NALCN: variants seen among roughly 807,000 people sequenced by gnomAD.
The protein encoded by NALCN is sodium leak channel NALCN.
NALCN carries 111 observed loss-of-function variants against 225.3 expected under a neutral mutation model. That is an observed-to-expected ratio of 0.49 (90% CI 0.42 to 0.58). The LOEUF is 0.58. Ranked by LOEUF, NALCN falls within the 20% of genes least tolerant of loss-of-function variation. The pLI is 0.00. For synonymous variants in NALCN, 764 were observed against 769.0 expected, an observed-to-expected ratio of 0.99 and a Z score of 0.11; for missense variants, 1,378 against 2,202.4, an observed-to-expected ratio of 0.63 and a Z score of 7.49.
chr13:101,286,650 C>T lies in NALCN; in HGVS notation c.1048-2631G>A, dbSNP rs982797378. The stretch of plus-strand genomic sequence containing the variant: ...TTTTGGGCTTTTTTGTCCCTTGCAA[C>T]TGAATGTAACTTAACTAGTATACGT... On this transcript the variant is annotated intron_variant, in intron 9 of 43. Coordinates refer to ENST00000251127, the MANE Select transcript of NALCN (RefSeq NM_052867.4). Among the ~76,000 whole-genome samples, 6 of 152,288 alleles carry T rather than the reference C, an allele frequency of 3.9e-5. No homozygotes were observed. The South Asian group carries it at 6.2e-4, about 16-fold the overall frequency.
At chr13:101,066,307 T>TAAAAA (rs2032385527) in intron 39 of NALCN, among the ~76,000 whole-genome samples, 1 of 87,256 alleles carries the variant, frequency 1.1e-5, no homozygotes, top group African/African-American at 8.4e-5. Context: ...GGACTCCATC[T>TAAAAA]CAAAAAAAAA....
At chr13:101,238,533 C>G (rs1304248226) in intron 11 of NALCN, among the ~76,000 whole-genome samples, 1 of 151,890 alleles carries the variant, frequency 6.6e-6, no homozygotes, top group Non-Finnish European at 1.5e-5. Context: ...TAATCTCTCA[C>G]ATGCATTCTA....
At chr13:101,110,870 C>A (rs1273787949) in intron 19 of NALCN, among the ~76,000 whole-genome samples, 182 bp from the exon 20 acceptor site, 1 of 152,204 alleles carries the variant, frequency 6.6e-6, no homozygotes, top group Non-Finnish European at 1.5e-5. Context: ...TAACAAAATT[C>A]AGAATTTTTC....
At chr13:101,210,304 G>A (rs2040476074) in intron 13 of NALCN, among the ~76,000 whole-genome samples, 1 of 152,038 alleles carries the variant, frequency 6.6e-6, no homozygotes, top group South Asian at 2.1e-4. Flanking sequence ...TAGAAAAAAT[G>A]TTAGAGACAG....
In NALCN at chr13:101,257,410, T is replaced by A. The variant is rs564197342; in HGVS notation, c.1266+1033A>T. ...ATATCCACGTAGATGTCTATGCTCG[T>A]TAGGTACATGCAATCAATTCTTTTT... is the stretch of plus-strand genomic sequence containing the variant. On this transcript the variant is annotated intron_variant, in intron 11 of 43. Transcript: ENST00000251127. 4.9e-4 allele frequency among the ~76,000 whole-genome samples: 74 copies of A among 152,274 alleles called. 2 individuals carry two copies. The highest frequency in any genetic ancestry group is 1.7e-3 in the African/African-American group (71 of 41,562).
At chr13:101,157,527 A>G (rs1329093970) in intron 15 of NALCN, among the ~76,000 whole-genome samples, 1 of 152,236 alleles carries the variant, frequency 6.6e-6, no homozygotes, top group East Asian at 1.9e-4. Flanking sequence ...GGGAAGGCCA[A>G]CAGTGAAATC....
chr13:101,415,855 G>A (rs2047929827), intron 1 of NALCN, among the ~76,000 whole-genome samples: 1 of 149,944 alleles, frequency 6.7e-6, no homozygotes, highest in African/African-American at 2.4e-5. Context: ...CCCAGGCAGC[G>A]GCCCTGGTGC....
intron 10 of NALCN, among the ~76,000 whole-genome samples, chr13:101,260,075 A>G (rs1259765944): frequency 6.6e-6 from 1 of 151,300 alleles, no homozygotes; most frequent in Non-Finnish European, 1.5e-5. Flanking sequence ...TATGTCCATG[A>G]GTTTGATTAT....
rs2036144801 is a variant in NALCN at position 101,124,630 on chromosome 13, TCTC to T, written c.2167_2169del (p.Glu723del). On this transcript the variant is annotated inframe_deletion, in exon 18 of 44. Transcript: ENST00000251127. ...TACCTTAAGATTTTAGTGACTGCGG[TCTC>T]CTTTTCCAGAAGGTTCCTTGCCCTG... The T allele has an allele frequency of 6.2e-7, 1 of 1,614,042 alleles. No individual in the cohort carries two copies. The highest frequency in any genetic ancestry group is 8.5e-7 in the Non-Finnish European group (1 of 1,179,952).
intron 13 of NALCN, among the ~76,000 whole-genome samples, chr13:101,200,623 C>T (rs766144325): frequency 2.0e-4 from 30 of 152,090 alleles, no homozygotes; most frequent in Non-Finnish European, 3.4e-4. Context: ...ATGTTGCCTA[C>T]ACTAGGCTTC....
chr13:101,180,769 A>AAGTAT (rs1244192746), intron 14 of NALCN: 1 of 288,506 alleles, frequency 3.5e-6, no homozygotes, highest in East Asian at 8.1e-5. Context: ...GTCAAAACAC[A>AAGTAT]CCTGTGTGGG....
At chr13:101,387,246 A>T (rs1402915733) in intron 3 of NALCN, among the ~76,000 whole-genome samples, 22 of 150,258 alleles carry the variant, frequency 1.5e-4, no homozygotes, top group Admixed American at 1.3e-3. Context: ...AAAAAAAAAA[A>T]AAAAAAAACA....
At chr13:101,322,676 A>T (rs538898331) in intron 7 of NALCN, among the ~76,000 whole-genome samples, 6 of 152,124 alleles carry the variant, frequency 3.9e-5, no homozygotes, top group Non-Finnish European at 5.9e-5. Flanking sequence ...AGAAGTATTG[A>T]AACTAATTTA....
intron 17 of NALCN, among the ~76,000 whole-genome samples, chr13:101,128,370 T>C (rs2036344241): frequency 6.6e-6 from 1 of 152,184 alleles, no homozygotes; most frequent in Admixed American, 6.5e-5. Flanking sequence ...AACACATAAT[T>C]CAAAAGCTTC....
At chr13:101,318,375 C>A (rs1357141202) in intron 7 of NALCN, among the ~76,000 whole-genome samples, 1 of 152,174 alleles carries the variant, frequency 6.6e-6, no homozygotes, top group Non-Finnish European at 1.5e-5. Flanking sequence ...CGGCTCCCTG[C>A]TGTGGCTAGA....
chr13:101,361,481 A>G (rs1187988217), intron 6 of NALCN, among the ~76,000 whole-genome samples: 2 of 152,194 alleles, frequency 1.3e-5, no homozygotes, highest in Admixed American at 1.3e-4. Context: ...AAGGAAAACT[A>G]AATATTTTAT....
At chr13:101,323,768 G>A (rs1337575392) in intron 7 of NALCN, among the ~76,000 whole-genome samples, 1 of 152,178 alleles carries the variant, frequency 6.6e-6, no homozygotes, top group South Asian at 2.1e-4. Flanking sequence ...ATAAGACAGG[G>A]AAACAGTCAC....
At chr13:101,160,111 T>A (rs9554759) in intron 15 of NALCN, among the ~76,000 whole-genome samples, 3 of 151,980 alleles carry the variant, frequency 2.0e-5, no homozygotes, top group East Asian at 3.9e-4. Flanking sequence ...CACACCACCA[T>A]GCCTGACTAA....
chr13:101,319,173 G>A (rs767222782), intron 7 of NALCN, among the ~76,000 whole-genome samples: 1 of 152,158 alleles, frequency 6.6e-6, no homozygotes, highest in Admixed American at 6.5e-5. Flanking sequence ...GTCCCCCAAG[G>A]TACAGCCAGA....
Sources: allele counts gnomAD v4.1 joint callset (sites outside exome capture counted in the v4.1 genomes callset), GRCh38; gene constraint gnomAD v4.1.1; transcripts MANE v1.5; gene names NCBI Gene and HGNC (gene_info 2026-07-23, HGNC 2026-07-21).